The following PCGF5 variants were observed in gnomAD, a reference collection of about 807,000 sequenced individuals.
The protein encoded by PCGF5 is polycomb group ring finger 5, also known as polycomb group RING finger protein 5.
Under a neutral mutation model 44.3 loss-of-function variants are expected in PCGF5, and 9 were observed. The ratio of observed to expected loss-of-function variants is 0.20; its 90% confidence interval spans 0.12 to 0.35. PCGF5 has a LOEUF of 0.35. Among genes scored for constraint, PCGF5 ranks in the 10% least tolerant of loss-of-function variants. PCGF5 has a pLI of 1.00. For missense variants in PCGF5, 146 were observed against 305.3 expected (o/e 0.48, Z 3.89); for synonymous variants, 95 against 102.5 (o/e 0.93, Z 0.44).
chr10:91,163,530 A>T (rs945804585), intron 1 of PCGF5, among the ~76,000 whole-genome samples: 2 of 151,788 alleles, frequency 1.3e-5, no homozygotes, highest in African/African-American at 4.8e-5. Context: ...TCCGCCGAGG[A>T]GGGACGACCT....
At chr10:91,268,813 T>C (rs569102708) in intron 8 of PCGF5, among the ~76,000 whole-genome samples, 1 of 152,264 alleles carries the variant, frequency 6.6e-6, no homozygotes, top group East Asian at 1.9e-4. Flanking sequence ...TTTTCTATGG[T>C]CCCTGCCCTC....
At chr10:91,247,655 A>G (rs1470274625) in intron 3 of PCGF5, among the ~76,000 whole-genome samples, 1 of 152,058 alleles carries the variant, frequency 6.6e-6, no homozygotes, top group African/African-American at 2.4e-5. Flanking sequence ...GATGAGTTAT[A>G]TGGCAGGAAA....
intron 1 of PCGF5, among the ~76,000 whole-genome samples, chr10:91,186,067 A>G (rs76102475): frequency 0.012 from 1,804 of 152,334 alleles, 26 homozygotes; most frequent in African/African-American, 0.041. Flanking sequence ...TGCAGACAGT[A>G]GTTAAATTGA....
At chr10:91,165,764 A>G (rs1296411341) in intron 1 of PCGF5, among the ~76,000 whole-genome samples, 2 of 152,252 alleles carry the variant, frequency 1.3e-5, no homozygotes, top group African/African-American at 4.8e-5. Context: ...TACAGCTATA[A>G]GTCAGTGATA....
At chr10:91,273,113 C>A (rs528169011) in intron 9 of PCGF5, among the ~76,000 whole-genome samples, 10 of 152,312 alleles carry the variant, frequency 6.6e-5, no homozygotes, top group African/African-American at 2.4e-4. Context: ...TAAGTCCTAG[C>A]TTTTCAGCAA....
At chr10:91,223,126 G>A (rs1277851008) in intron 2 of PCGF5, 143 bp downstream of exon 2, 3 of 637,724 alleles carry the variant, frequency 4.7e-6, no homozygotes, top group Non-Finnish European at 8.0e-6. Flanking sequence ...TGAATTTTCA[G>A]AATATTTGTC....
intron 1 of PCGF5, among the ~76,000 whole-genome samples, chr10:91,199,016 T>C (rs1455762568): frequency 6.6e-6 from 1 of 152,240 alleles, no homozygotes; most frequent in African/African-American, 2.4e-5. Context: ...TATGTATTTA[T>C]TGTTTTTGTT....
the PCGF5 span, among the ~76,000 whole-genome samples, chr10:91,157,767 G>C: frequency 6.6e-6 from 1 of 152,246 alleles, no homozygotes; most frequent in Admixed American, 6.5e-5. Context: ...CACATGATAA[G>C]AGGATGGAGC....
intron 1 of PCGF5, among the ~76,000 whole-genome samples, chr10:91,205,094 G>A (rs964286273): frequency 1.3e-5 from 2 of 152,126 alleles, no homozygotes; most frequent in African/African-American, 4.8e-5. Context: ...TTATGGTCCA[G>A]TGAGATTAGA....
intron 2 of PCGF5, among the ~76,000 whole-genome samples, chr10:91,238,505 G>A (rs1217952039): frequency 6.7e-6 from 1 of 150,228 alleles, no homozygotes; most frequent in African/African-American, 2.4e-5. Flanking sequence ...CCAACCCGTT[G>A]AGTACAATAA....
intron 1 of PCGF5, among the ~76,000 whole-genome samples, chr10:91,182,188 A>C (rs1036067747): frequency 2.0e-5 from 3 of 151,040 alleles, no homozygotes; most frequent in African/African-American, 7.3e-5. Context: ...AATTTTTTGG[A>C]ATAGTTCCCG....
intron 1 of PCGF5, 137 bp downstream of exon 1, chr10:91,220,973 G>C (rs1188264631): frequency 2.6e-5 from 4 of 152,238 alleles, no homozygotes; most frequent in Non-Finnish European, 5.9e-5. Flanking sequence ...TCGGGTGCAG[G>C]GGGCTACCGA....
intron 7 of PCGF5, among the ~76,000 whole-genome samples, chr10:91,262,532 A>G (rs1845948223): frequency 6.6e-6 from 1 of 152,226 alleles, no homozygotes; most frequent in African/African-American, 2.4e-5. Flanking sequence ...CTGCAGTAAT[A>G]TGAATATCAT....
In PCGF5 at chr10:91,238,188, T is replaced by TAGCC. The variant is rs528459578; in HGVS notation, c.113-2294_113-2291dup. Among the ~76,000 whole-genome samples the TAGCC allele has an allele frequency of 8.5e-5, 13 of 152,382 alleles. No individual in the cohort carries two copies. In the South Asian group the frequency reaches 2.5e-3, roughly 29 times the overall value. On this transcript the variant is annotated intron_variant, in intron 2 of 9. Transcript: ENST00000336126. The stretch of plus-strand genomic sequence containing the variant: ...AACTAGCCACATTTCAAATGCTTAG[T>TAGCC]AGCCACATGTGGCTAGTGACTTCTC...
chr10:91,196,674 G>A (rs1050002378), intron 1 of PCGF5, among the ~76,000 whole-genome samples: 2 of 152,156 alleles, frequency 1.3e-5, no homozygotes, highest in African/African-American at 4.8e-5. Flanking sequence ...TTCAGAGGGT[G>A]ACAAATGCTA....
intron 6 of PCGF5, among the ~76,000 whole-genome samples, chr10:91,257,667 T>C (rs925664207): frequency 6.6e-6 from 1 of 152,130 alleles, no homozygotes; most frequent in African/African-American, 2.4e-5. Context: ...TGCAAGATTT[T>C]AACATGCTAT....
intron 2 of PCGF5, among the ~76,000 whole-genome samples, chr10:91,223,211 T>G (rs1157085284): frequency 1.3e-5 from 2 of 152,252 alleles, no homozygotes; most frequent in Non-Finnish European, 2.9e-5. Flanking sequence ...TTGTAAAATA[T>G]TCTAAAAATC....
intron 8 of PCGF5, among the ~76,000 whole-genome samples, chr10:91,268,776 G>T (rs1846106286): frequency 6.6e-6 from 1 of 152,056 alleles, no homozygotes; most frequent in Non-Finnish European, 1.5e-5. Context: ...CTTTGTCTTG[G>T]GGTAGTTCCA....
Position 91,172,777 on chromosome 10 carries a change from G to C in PCGF5, c.-184+9696G>C, listed in dbSNP as rs115908287. Reference sequence around the variant, plus strand: ...AATTAAATGACTGAGAAAGGTTTGCGCATAGGTCCTTAGTTTATTGCTTTC... The same window carrying C: ...AATTAAATGACTGAGAAAGGTTTGCCCATAGGTCCTTAGTTTATTGCTTTC... On this transcript the variant is annotated intron_variant, in intron 1 of 9. Coordinates refer to the PCGF5 transcript ENST00000614189. Among the ~76,000 whole-genome samples the C allele has an allele frequency of 4.4e-3, 668 of 152,276 alleles. 2 individuals are homozygous for C. The highest frequency in any genetic ancestry group is 6.9e-3 in the Admixed American group (105 of 15,300).
Sources: gnomAD v4.1 joint callset for allele counts (sites outside exome capture counted in the v4.1 genomes callset) on GRCh38, gnomAD v4.1.1 for gene constraint, MANE v1.5 for transcripts, NCBI Gene and HGNC (gene_info 2026-07-23, HGNC 2026-07-21) for gene names.